ARFGEF3: variants seen among roughly 807,000 people sequenced by gnomAD.
ARFGEF3 encodes brefeldin A-inhibited guanine nucleotide-exchange protein 3.
ARFGEF3 carries 96 observed loss-of-function variants against 221.7 expected under a neutral mutation model. That is an observed-to-expected ratio of 0.43 (90% CI 0.37 to 0.51). The LOEUF (loss-of-function observed/expected upper bound fraction) is 0.51. Among genes scored for constraint, ARFGEF3 ranks in the 20% least tolerant of loss-of-function variants. The pLI is 0.00. For synonymous variants in ARFGEF3, 1,145 were observed against 1,126.8 expected, an observed-to-expected ratio of 1.02 and a Z score of -0.32; for missense variants, 2,410 against 2,789.9, an observed-to-expected ratio of 0.86 and a Z score of 3.07.
intron 2 of ARFGEF3, among the ~76,000 whole-genome samples, chr6:138,198,007 A>C (rs1318692300): frequency 6.6e-6 from 1 of 152,152 alleles, no homozygotes; most frequent in African/African-American, 2.4e-5. Flanking sequence ...ATTGATTTGC[A>C]TTGGTGTATA....
At chr6:138,245,321 C>T (rs1778465417) in intron 7 of ARFGEF3, among the ~76,000 whole-genome samples, 192 bp from the exon 8 acceptor site, 1 of 152,130 alleles carries the variant, frequency 6.6e-6, no homozygotes. Context: ...AACAAACAAA[C>T]AAAAGAATAA....
At chr6:138,287,037 T>C in intron 16 of ARFGEF3, 37 bp from the exon 17 acceptor site, 1 of 1,557,456 alleles carries the variant, frequency 6.4e-7, no homozygotes, top group Non-Finnish European at 8.7e-7. Flanking sequence ...TTAGAGGATA[T>C]ACTCAGTCAA....
rs940512268 is a variant in ARFGEF3 at position 138,291,746 on chromosome 6, G to T, written c.3061G>T (p.Val1021Leu). 13 of 1,413,664 alleles carry T rather than the reference G, an allele frequency of 9.2e-6. No homozygotes were observed. Among genetic ancestry groups the T allele is most frequent in the Non-Finnish European group, 1.1e-5 (12 of 1,079,146 alleles). The allele number at this position is 1,413,664 out of a possible 1,614,324, so 87.6% of individuals were successfully genotyped here. A position where few individuals can be genotyped will look rare whatever the true frequency, so the allele number is the denominator to read the frequency against. ...WPHVFRVCEY[V>L]GTLEHNHFSD... ...TGCTCTTTCTAGGGTGTGTGAATAC[G>T]TGGGCACCCTGGAGCACAACCACTT... The change falls in exon 19 of 34, where the codon GTG becomes TTG. Residue 1021 changes from valine to leucine, a missense_variant. This residue lies in a region of ARFGEF3 where 594 missense variants were observed against 734.3 expected (regional missense o/e 0.81). Transcript: ENST00000251691. This position sits in a 1 kb window ranked among gnomAD's most constrained non-coding sequence, Gnocchi z 4.5.
chr6:138,310,169 A>T (rs909211492), intron 24 of ARFGEF3, among the ~76,000 whole-genome samples: 1 of 152,212 alleles, frequency 6.6e-6, no homozygotes, highest in Non-Finnish European at 1.5e-5. Context: ...AGGGAGTGCC[A>T]TTCACATAGA....
intron 2 of ARFGEF3, among the ~76,000 whole-genome samples, chr6:138,170,935 C>T (rs1776817000): frequency 1.3e-5 from 2 of 152,100 alleles, no homozygotes; most frequent in South Asian, 2.1e-4. Context: ...CTTCTTGCTG[C>T]GTCATCCCAA....
chr6:138,207,214 C>A (rs1009461820), intron 3 of ARFGEF3, 91 bp downstream of exon 3: 2 of 934,160 alleles, frequency 2.1e-6, no homozygotes, highest in Non-Finnish European at 3.4e-6. Flanking sequence ...TAAATACTGG[C>A]TGTTTAAAGA....
chr6:138,276,128 T>TGTCTG (rs3045514), intron 12 of ARFGEF3, among the ~76,000 whole-genome samples: 74,011 of 151,594 alleles, frequency 0.49, 20,666 homozygotes, highest in African/African-American at 0.78. Flanking sequence ...GTTCCACACT[T>TGTCTG]GGCTGGTATT....
chr6:138,173,724 C>T (rs1041045547), intron 2 of ARFGEF3, among the ~76,000 whole-genome samples: 10 of 152,100 alleles, frequency 6.6e-5, no homozygotes, highest in East Asian at 5.8e-4. Context: ...TTTTATTCAA[C>T]GATCTTTTGC....
Position 138,341,090 on chromosome 6 carries a change from A to G in ARFGEF3, c.*4604A>G, listed in dbSNP as rs933733676. 1 of 152,432 alleles carries G rather than the reference A, an allele frequency of 6.6e-6. No homozygotes were observed. Among genetic ancestry groups the G allele is most frequent in the Non-Finnish European group, 1.5e-5 (1 of 68,204 alleles). 9.4% of individuals were successfully genotyped at this position (152,432 alleles called of 1,614,324 possible). On this transcript the variant is annotated 3_prime_UTR_variant, in exon 34 of 34. Coordinates refer to ENST00000251691, the MANE Select transcript of ARFGEF3 (RefSeq NM_020340.5). ...GGAATAATACTATTCATGGCCAGCT[A>G]TTAACACAGAAGAACATGGCAGTGT...
In ARFGEF3 at chr6:138,336,391, A is replaced by G. The variant is rs1210138044; in HGVS notation, c.6439A>G (p.Ser2147Gly). The G allele has an allele frequency of 1.2e-6, 2 of 1,613,444 alleles. No homozygotes were observed. Among genetic ancestry groups the G allele is most frequent in the East Asian group, 2.2e-5 (1 of 44,864 alleles). ...CCAGCCCGCAGTGTTCCCGTGCATCAGTCAGCTGACCTGTCACGTGACCGA... is the reference window on the plus strand; with the variant it reads ...CCAGCCCGCAGTGTTCCCGTGCATCGGTCAGCTGACCTGTCACGTGACCGA... ...ALQPAVFPCI[S>G]QLTCHVTDIR... The change falls in exon 34 of 34, where the codon AGT (serine) becomes GGT (glycine). Residue 2147 changes from serine to glycine, a missense_variant. Physicochemically the swap from Ser to Gly is moderately conservative, Grantham distance 56. Around this residue, in one of 5 missense-constraint regions of ARFGEF3, gnomAD observed 339 missense variants for 334.9 expected, o/e 1.01. Coordinates refer to ENST00000251691, the MANE Select transcript of ARFGEF3 (RefSeq NM_020340.5).
Position 138,218,532 on chromosome 6 carries a change from CA to C in ARFGEF3, c.351+8492del, listed in dbSNP as rs971285051. 1.3e-5 allele frequency: 18 copies of C among 1,363,092 alleles called. No homozygotes were observed. The African/African-American group carries it at 2.5e-4, about 19-fold the overall frequency. 84.4% of individuals were successfully genotyped at this position (1,363,092 alleles called of 1,614,324 possible). On this transcript the variant is annotated intron_variant, in intron 4 of 33. Coordinates refer to ENST00000251691, the MANE Select transcript of ARFGEF3 (RefSeq NM_020340.5). The stretch of plus-strand genomic sequence containing the variant: ...GATTCCACAATCTAAGGAAAACACC[CA>C]CTCTTTAGCTGAGCCAATGTTTCTG...
At chr6:138,285,583 T>A (rs1779271776) in intron 14 of ARFGEF3, among the ~76,000 whole-genome samples, 1 of 152,182 alleles carries the variant, frequency 6.6e-6, no homozygotes, top group Non-Finnish European at 1.5e-5. Flanking sequence ...AAAGTTCACA[T>A]CTGGGTAACC....
intron 9 of ARFGEF3, 84 bp downstream of exon 9, chr6:138,254,068 G>C: frequency 1.2e-6 from 1 of 827,120 alleles, no homozygotes. Context: ...TCTCCATGAA[G>C]TCCATGACCC....
chr6:138,336,566 A>G lies in ARFGEF3; in HGVS notation c.*80A>G. 1 of 1,183,886 alleles carries G rather than the reference A, an allele frequency of 8.4e-7. No homozygotes were observed. The highest frequency in any genetic ancestry group is 1.2e-6 in the Non-Finnish European group (1 of 844,224). The allele number at this position is 1,183,886 out of a possible 1,614,324, so 73.3% of individuals were successfully genotyped here. A position where few individuals can be genotyped will look rare whatever the true frequency, so the allele number is the denominator to read the frequency against. On this transcript the variant is annotated 3_prime_UTR_variant, in exon 34 of 34. Coordinates refer to ENST00000251691, the MANE Select transcript of ARFGEF3 (RefSeq NM_020340.5). ...CCAATACAGCTGTTGCATTTTCCCC[A>G]CCACTAGCCCCACTTAAACTACTAC...
At chr6:138,208,940 G>C (rs1243185358) in intron 3 of ARFGEF3, among the ~76,000 whole-genome samples, 2 of 152,114 alleles carry the variant, frequency 1.3e-5, no homozygotes, top group African/African-American at 4.8e-5. Flanking sequence ...AGCTTAATCT[G>C]TTTGTCTCTG....
intron 6 of ARFGEF3, among the ~76,000 whole-genome samples, chr6:138,241,200 G>A (rs1778389232): frequency 6.6e-6 from 1 of 152,144 alleles, no homozygotes; most frequent in South Asian, 2.1e-4. Context: ...CGCAATCTAG[G>A]TCTAGCGCCT....
chr6:138,211,459 C>CT (rs925791046), intron 4 of ARFGEF3, among the ~76,000 whole-genome samples: 2 of 152,186 alleles, frequency 1.3e-5, no homozygotes, highest in African/African-American at 4.8e-5. Flanking sequence ...AGAGTGACCC[C>CT]TTCTAGCTTT....
intron 31 of ARFGEF3, among the ~76,000 whole-genome samples, chr6:138,327,367 C>G (rs920984994): frequency 3.9e-5 from 6 of 152,116 alleles, no homozygotes; most frequent in Non-Finnish European, 7.4e-5. Context: ...GAGGATCACT[C>G]GAGCCTGGGA....
At chr6:138,290,822 GGTTCA>G (rs1011188705) in intron 18 of ARFGEF3, among the ~76,000 whole-genome samples, 2 of 152,208 alleles carry the variant, frequency 1.3e-5, no homozygotes, top group African/African-American at 2.4e-5. Flanking sequence ...GCCAGAGCTG[GGTTCA>G]GTTTCACGTC....
Sources: gnomAD v4.1 joint callset for allele counts (sites outside exome capture counted in the v4.1 genomes callset) on GRCh38, gnomAD v4.1.1 for gene constraint, gnomAD v4.1.1 regional missense constraint, Gnocchi (gnomAD v3.1) non-coding constraint, MANE v1.5 for transcripts, NCBI Gene and HGNC (gene_info 2026-07-23, HGNC 2026-07-21) for gene names.